Variants in MCM10 observed in about 807,000 individuals in gnomAD.
MCM10 encodes the protein minichromosome maintenance 10 replication initiation factor.
MCM10 carries 91 observed loss-of-function variants against 109.9 expected under a neutral mutation model. The ratio of observed to expected loss-of-function variants is 0.83; its 90% confidence interval spans 0.70 to 0.99. The LOEUF (loss-of-function observed/expected upper bound fraction) is 0.99, where lower values mean the gene tolerates loss of function less well. Among genes scored for constraint, MCM10 ranks in the 50% least tolerant of loss-of-function variants. The pLI, the probability that MCM10 is intolerant of heterozygous loss-of-function variation, is 0.00. For missense variants in MCM10, 1,077 were observed against 1,061.2 expected, an observed-to-expected ratio of 1.01 and a Z score of -0.21; for synonymous variants, 380 against 387.2, an observed-to-expected ratio of 0.98 and a Z score of 0.22.
chr10:13,165,752 G>A (rs1833987862), intron 2 of MCM10, among the ~76,000 whole-genome samples: 2 of 151,752 alleles, frequency 1.3e-5, no homozygotes, highest in Admixed American at 6.6e-5. Context: ...GCATGTGACT[G>A]TAATCCCAGC....
At chr10:13,168,196 G>T (rs994926474) in intron 2 of MCM10, among the ~76,000 whole-genome samples, 4 of 152,204 alleles carry the variant, frequency 2.6e-5, no homozygotes, top group African/African-American at 9.6e-5. Context: ...TTGCTTCCTT[G>T]CAGGCATGTG....
Position 13,210,105 on chromosome 10 carries a change from G to A in MCM10, c.*795G>A, listed in dbSNP as rs1054720951. The A allele has an allele frequency of 2.0e-5, 3 of 151,316 alleles. No homozygotes were observed. The highest frequency in any genetic ancestry group is 4.4e-5 in the Non-Finnish European group (3 of 67,924). The allele number at this position is 151,316 out of a possible 1,614,324, so 9.4% of individuals were successfully genotyped here. The stretch of plus-strand genomic sequence containing the variant: ...GTCTCACTATGTCACCCTGGCTGGA[G>A]TGCAGTAGTGCGATCGCGGCACACT... On this transcript the variant is annotated 3_prime_UTR_variant, in exon 20 of 20. Transcript: ENST00000378714.
Position 13,182,815 on chromosome 10 carries a change from A to C in MCM10, c.931-118A>C. On this transcript the variant is annotated intron_variant, in intron 7 of 19. Transcript: ENST00000378714. This position sits in a 1 kb window ranked among gnomAD's most constrained non-coding sequence, Gnocchi z 4.2. ...ATGATACATATTTGAATAACAACAA[A>C]AAAACTTGGATTTTATGGATTATAG... The C allele has an allele frequency of 1.4e-6, 1 of 740,372 alleles. No individual in the cohort carries two copies. The highest frequency in any genetic ancestry group is 2.1e-6 in the Non-Finnish European group (1 of 468,662). The allele number at this position is 740,372 out of a possible 1,614,324, so 45.9% of individuals were successfully genotyped here. A position where few individuals can be genotyped will look rare whatever the true frequency, so the allele number is the denominator to read the frequency against.
intron 8 of MCM10, among the ~76,000 whole-genome samples, chr10:13,185,113 T>A (rs1465936197): frequency 6.6e-6 from 1 of 152,114 alleles, no homozygotes; most frequent in Non-Finnish European, 1.5e-5. Context: ...CACAGAAGCC[T>A]AGGATCTGGG....
At chr10:13,196,036 A>C (rs2131583024) in intron 14 of MCM10, among the ~76,000 whole-genome samples, 1 of 151,964 alleles carries the variant, frequency 6.6e-6, no homozygotes, top group South Asian at 2.1e-4. Context: ...CCCAAGTAGT[A>C]GCTGGGACTG....
intron 9 of MCM10, among the ~76,000 whole-genome samples, chr10:13,186,508 C>CTG (rs1834276265): frequency 6.6e-6 from 1 of 152,032 alleles, no homozygotes; most frequent in Admixed American, 6.6e-5. Flanking sequence ...TTTATCTGAC[C>CTG]AAGAAGTTTA....
intron 18 of MCM10, among the ~76,000 whole-genome samples, chr10:13,206,057 C>A (rs781260792): frequency 6.6e-6 from 1 of 152,202 alleles, no homozygotes; most frequent in Non-Finnish European, 1.5e-5. Flanking sequence ...CCTATCCCTT[C>A]GCACCATCCT....
chr10:13,209,461 C>T lies in MCM10; in HGVS notation c.*151C>T. ...ATAAGCTTTGCCTGCTTACTTTCTG[C>T]CATTGGGTTGGTTTGATACCACATT... On this transcript the variant is annotated 3_prime_UTR_variant, in exon 20 of 20. Coordinates refer to ENST00000378714, the MANE Select transcript of MCM10 (RefSeq NM_018518.5). 1 of 650,182 alleles carries T rather than the reference C, an allele frequency of 1.5e-6. No homozygotes were observed. Among genetic ancestry groups the T allele is most frequent in the South Asian group, 2.0e-5 (1 of 50,918 alleles). The allele number at this position is 650,182 out of a possible 1,614,324, so 40.3% of individuals were successfully genotyped here. A position where few individuals can be genotyped will look rare whatever the true frequency, so the allele number is the denominator to read the frequency against.
chr10:13,181,563 C>T (rs920794169), intron 7 of MCM10, among the ~76,000 whole-genome samples: 7 of 152,120 alleles, frequency 4.6e-5, no homozygotes, highest in African/African-American at 1.7e-4. Flanking sequence ...GGGAAAAGAG[C>T]TAATGCATGG....
At position 13,206,982 on chromosome 10, in the gene MCM10, T is replaced by A. The variant is rs191975120; in HGVS notation, c.2499-2109T>A. Among the ~76,000 whole-genome samples, 80 of 152,210 alleles carry A rather than the reference T, an allele frequency of 5.3e-4. 4 individuals are homozygous for A. The East Asian group carries it at 0.014, about 26-fold the overall frequency. ...ACTACACCCAGCTAATTTTTTTAAT[T>A]TACTTTTTTTTATAGAGACAAGGTC... On this transcript the variant is annotated intron_variant, in intron 18 of 19. Transcript: ENST00000378714.
At chr10:13,169,099 G>C (rs1385365335) in intron 2 of MCM10, among the ~76,000 whole-genome samples, 1 of 152,192 alleles carries the variant, frequency 6.6e-6, no homozygotes, top group Non-Finnish European at 1.5e-5. Flanking sequence ...ACAATATGGC[G>C]CTGGCCAGGT....
At chr10:13,176,497 C>T (rs1350209537) in intron 6 of MCM10, among the ~76,000 whole-genome samples, 1 of 152,174 alleles carries the variant, frequency 6.6e-6, no homozygotes, top group African/African-American at 2.4e-5. Flanking sequence ...CCCTCTAAAA[C>T]TCTGAAACCT....
At position 13,198,775 on chromosome 10, in the gene MCM10, G is replaced by T; in HGVS notation, c.2206G>T (p.Ala736Ser). 1 of 1,613,434 alleles carries T rather than the reference G, an allele frequency of 6.2e-7. No individual in the cohort carries two copies. Among genetic ancestry groups the T allele is most frequent in the Non-Finnish European group, 8.5e-7 (1 of 1,179,946 alleles). Residue 736 changes from alanine to serine, a missense_variant, in exon 16 of 20, where the codon GCA becomes TCA. Physicochemically the swap from Ala to Ser is moderately conservative, Grantham distance 99. Coordinates refer to ENST00000378714, the MANE Select transcript of MCM10 (RefSeq NM_018518.5). The part of the protein sequence containing the change: ...ESEEFQKILK[A>S]KSKHTGILKE... ...TGAGGAATTTCAGAAAATCCTAAAAGCAAAATCAAAACACACAGGCATCCT... is the reference window on the plus strand; with the variant it reads ...TGAGGAATTTCAGAAAATCCTAAAATCAAAATCAAAACACACAGGCATCCT...
intron 9 of MCM10, among the ~76,000 whole-genome samples, chr10:13,188,214 T>C (rs1360425715): frequency 1.3e-5 from 2 of 152,198 alleles, no homozygotes; most frequent in East Asian, 3.8e-4. Context: ...TCTCTCTTTG[T>C]TTCTTTCACT....
rs1446313657 is a variant in MCM10, at chr10:13,203,939, GTCA to G, written c.2353-275_2353-273del. 5.3e-5 allele frequency among the ~76,000 whole-genome samples: 8 copies of G among 152,150 alleles called. No homozygotes were observed. The South Asian group carries it at 1.0e-3, about 20-fold the overall frequency. On this transcript the variant is annotated intron_variant, in intron 17 of 19. Transcript: ENST00000378714. Reference sequence around the variant, plus strand: ...CGTTTCCTCTCCTGCCCTTGCTGTTGTCATCATGGAACGTGTTACACAATAACA... The same window carrying G: ...CGTTTCCTCTCCTGCCCTTGCTGTTGTCATGGAACGTGTTACACAATAACA...
At chr10:13,207,817 T>A (rs900146580) in intron 18 of MCM10, among the ~76,000 whole-genome samples, 8 of 152,090 alleles carry the variant, frequency 5.3e-5, no homozygotes, top group Admixed American at 3.3e-4. Context: ...AATTACCCAG[T>A]CTTGGGTATG....
intron 8 of MCM10, among the ~76,000 whole-genome samples, chr10:13,183,419 AC>A (rs993368417): frequency 6.6e-6 from 1 of 152,170 alleles, no homozygotes; most frequent in African/African-American, 2.4e-5. Flanking sequence ...AACCTAGGTA[AC>A]AAAGTAAGAC....
Position 13,164,123 on chromosome 10 carries a change from C to T in MCM10, c.-75-5C>T. The T allele has an allele frequency of 1.0e-5, 13 of 1,282,926 alleles. No homozygotes were observed. Among genetic ancestry groups the T allele is most frequent in the Admixed American group, 5.1e-5 (2 of 39,472 alleles). The allele number at this position is 1,282,926 out of a possible 1,614,324, so 79.5% of individuals were successfully genotyped here. A position where few individuals can be genotyped will look rare whatever the true frequency, so the allele number is the denominator to read the frequency against. ...AGTGACATTTCTAATATTGCTTTCA[C>T]ACAGCCAAGATTCTACATTGCTCAT... On this transcript the variant is annotated splice_region_variant and splice_polypyrimidine_tract_variant and intron_variant, in intron 1 of 19. Coordinates refer to ENST00000378714, the MANE Select transcript of MCM10 (RefSeq NM_018518.5).
chr10:13,199,301 C>T (rs905459081), intron 16 of MCM10, among the ~76,000 whole-genome samples: 2 of 152,150 alleles, frequency 1.3e-5, no homozygotes, highest in African/African-American at 4.8e-5. Context: ...TTAGCTTTGT[C>T]CTTGTCTCTT....
Sources: gnomAD v4.1 joint callset for allele counts (sites outside exome capture counted in the v4.1 genomes callset) on GRCh38, gnomAD v4.1.1 for gene constraint, Gnocchi (gnomAD v3.1) non-coding constraint, MANE v1.5 for transcripts, NCBI Gene and HGNC (gene_info 2026-07-23, HGNC 2026-07-21) for gene names.